The following RIT2 variants were observed in gnomAD, a reference collection of about 807,000 sequenced individuals.
RIT2 encodes Ras like without CAAX 2.
Under a neutral mutation model 23.7 loss-of-function variants are expected in RIT2, and 24 were observed. The ratio of observed to expected loss-of-function variants is 1.01; its 90% CI spans 0.73 to 1.43. The LOEUF is 1.43. RIT2 is among the 40% of genes most tolerant of loss of function. The probability of loss-of-function intolerance (pLI) is 0.00; values close to 1 mark genes in which losing one functional copy is unlikely to be tolerated. For missense variants in RIT2, 236 were observed against 266.9 expected, an observed-to-expected ratio of 0.88 and a Z score of 0.81; for synonymous variants, 107 against 91.1, an observed-to-expected ratio of 1.17 and a Z score of -0.99.
chr18:42,936,698 G>A (rs1296695660), intron 3 of RIT2, among the ~76,000 whole-genome samples: 1 of 152,054 alleles, frequency 6.6e-6, no homozygotes, highest in African/African-American at 2.4e-5. Context: ...TCATATCACG[G>A]TGAGTACATG....
At chr18:42,780,678 A>G (rs1913789796) in intron 4 of RIT2, among the ~76,000 whole-genome samples, 1 of 152,130 alleles carries the variant, frequency 6.6e-6, no homozygotes, top group African/African-American at 2.4e-5. Flanking sequence ...CTTATTTGCT[A>G]CAAAGAATAT....
At chr18:42,975,501 T>C (rs963180680) in intron 2 of RIT2, among the ~76,000 whole-genome samples, 5 of 152,022 alleles carry the variant, frequency 3.3e-5, no homozygotes, top group Non-Finnish European at 2.9e-5. Context: ...TGGGCTGCTT[T>C]ATATACACAG....
At chr18:43,062,884 G>C (rs1031243186) in intron 1 of RIT2, among the ~76,000 whole-genome samples, 7 of 152,106 alleles carry the variant, frequency 4.6e-5, no homozygotes, top group Non-Finnish European at 8.8e-5. Flanking sequence ...ACAGAAATAT[G>C]ATATGGAAAA....
At chr18:42,849,683 C>A (rs1040353709) in intron 4 of RIT2, among the ~76,000 whole-genome samples, 29 of 152,168 alleles carry the variant, frequency 1.9e-4, no homozygotes, top group African/African-American at 6.5e-4. Flanking sequence ...CTATTCAGAA[C>A]CTTCTAAATC....
chr18:43,038,098 G>C (rs1041370954), intron 1 of RIT2, among the ~76,000 whole-genome samples: 5 of 150,990 alleles, frequency 3.3e-5, no homozygotes, highest in African/African-American at 4.9e-5. Context: ...CTAGCTACTC[G>C]GGAGGCTGAG....
chr18:42,778,373 C>CT (rs1452333824), intron 4 of RIT2, among the ~76,000 whole-genome samples: 11 of 151,954 alleles, frequency 7.2e-5, no homozygotes, highest in African/African-American at 2.4e-4. Context: ...ATTTTTTTCT[C>CT]TTTTTTAAAT....
intron 4 of RIT2, among the ~76,000 whole-genome samples, chr18:42,791,665 T>C (rs1914046366): frequency 6.6e-6 from 1 of 152,238 alleles, no homozygotes. Flanking sequence ...TACATTTTGT[T>C]GACACGTTCA....
intron 4 of RIT2, among the ~76,000 whole-genome samples, chr18:42,876,427 T>C (rs1362651008): frequency 6.7e-6 from 1 of 149,812 alleles, no homozygotes; most frequent in East Asian, 2.0e-4. Context: ...TTTAGGGGAG[T>C]AGAAAAGGAG....
At chr18:42,772,645 T>C (rs1913578624) in intron 4 of RIT2, among the ~76,000 whole-genome samples, 1 of 152,242 alleles carries the variant, frequency 6.6e-6, no homozygotes, top group Non-Finnish European at 1.5e-5. Context: ...TTTTGCTCTT[T>C]GACCGTGGTT....
intron 1 of RIT2, among the ~76,000 whole-genome samples, chr18:43,090,700 A>G (rs1471287963): frequency 2.0e-5 from 3 of 152,072 alleles, no homozygotes; most frequent in African/African-American, 7.2e-5. Flanking sequence ...AAAGAATAAA[A>G]TCATGTCATT....
chr18:43,044,717 T>C (rs1337268611), intron 1 of RIT2, among the ~76,000 whole-genome samples: 1 of 152,162 alleles, frequency 6.6e-6, no homozygotes, highest in Non-Finnish European at 1.5e-5. Context: ...AGGGACAGAT[T>C]AGAAAACAGC....
At chr18:42,786,761 C>A (rs919755280) in intron 4 of RIT2, among the ~76,000 whole-genome samples, 1 of 152,082 alleles carries the variant, frequency 6.6e-6, no homozygotes, top group Admixed American at 6.6e-5. Context: ...GCTATGACTT[C>A]GTGTCACATC....
intron 4 of RIT2, among the ~76,000 whole-genome samples, chr18:42,886,913 G>T (rs1451168317): frequency 1.3e-5 from 2 of 152,086 alleles, no homozygotes; most frequent in Non-Finnish European, 2.9e-5. Flanking sequence ...AGACCACAAT[G>T]CTACTTTCAT....
intron 1 of RIT2, among the ~76,000 whole-genome samples, chr18:43,064,504 T>C (rs1163984581): frequency 6.6e-6 from 1 of 152,098 alleles, no homozygotes; most frequent in East Asian, 1.9e-4. Context: ...AGAGATGCAA[T>C]TTCAGACAGA....
chr18:42,885,592 A>T (rs8091455), intron 4 of RIT2, among the ~76,000 whole-genome samples: 16,056 of 152,116 alleles, frequency 0.11, 972 homozygotes, highest in Middle Eastern at 0.24. Context: ...TCTCAAAAAA[A>T]AATAATAATA....
intron 4 of RIT2, among the ~76,000 whole-genome samples, chr18:42,853,607 T>C (rs768078276): frequency 1.5e-4 from 23 of 152,228 alleles, no homozygotes; most frequent in Non-Finnish European, 2.4e-4. Context: ...TTGGCTTCTT[T>C]ACTCATATTT....
chr18:42,981,368 C>G (rs1339254822), intron 2 of RIT2, among the ~76,000 whole-genome samples: 2 of 152,076 alleles, frequency 1.3e-5, no homozygotes, highest in African/African-American at 4.8e-5. Flanking sequence ...GGCAATTGTA[C>G]AAGTCTCAGT....
intron 4 of RIT2, among the ~76,000 whole-genome samples, chr18:42,896,225 T>C (rs574043288): frequency 2.0e-5 from 3 of 152,172 alleles, no homozygotes; most frequent in Middle Eastern, 6.8e-3. Context: ...GATCGTGCCA[T>C]TGCACTCCAG....
chr18:43,003,010 G>A (rs1458514892), intron 2 of RIT2, among the ~76,000 whole-genome samples: 1 of 151,810 alleles, frequency 6.6e-6, no homozygotes, highest in East Asian at 1.9e-4. Context: ...GGGCAGGTAG[G>A]GAAAAAAGCA....
Sources: allele counts gnomAD v4.1 joint callset (sites outside exome capture counted in the v4.1 genomes callset), GRCh38; gene constraint gnomAD v4.1.1; transcripts MANE v1.5; gene names NCBI Gene and HGNC (gene_info 2026-07-23, HGNC 2026-07-21).